The following WWTR1 variants were observed in gnomAD, a reference collection of about 807,000 sequenced individuals.
WWTR1 encodes the protein WW domain-containing transcription regulator protein 1.
In WWTR1, 13 loss-of-function variants were observed where a neutral mutation model predicts 40.1. That is an observed-to-expected ratio of 0.32 (90% CI 0.21 to 0.52). The LOEUF (loss-of-function observed/expected upper bound fraction) is 0.52, where lower values mean the gene tolerates loss of function less well. Among genes scored for constraint, WWTR1 ranks in the 20% least tolerant of loss-of-function variants. WWTR1 has a pLI of 0.97. For missense variants in WWTR1, 436 were observed against 523.1 expected, an observed-to-expected ratio of 0.83 and a Z score of 1.63; for synonymous variants, 230 against 210.1, an observed-to-expected ratio of 1.09 and a Z score of -0.82.
chr3:149,691,356 A>T (rs1714821269), intron 1 of WWTR1, among the ~76,000 whole-genome samples: 1 of 151,910 alleles, frequency 6.6e-6, no homozygotes. Flanking sequence ...AACAATACAA[A>T]GGAACAATAA....
intron 2 of WWTR1, among the ~76,000 whole-genome samples, chr3:149,647,757 T>C (rs558002375): frequency 6.6e-6 from 1 of 152,334 alleles, no homozygotes; most frequent in South Asian, 2.1e-4. Flanking sequence ...TGCTTAGTTC[T>C]CTAAACAACC....
At chr3:149,706,979 C>A (rs560937324), upstream of WWTR1, among the ~76,000 whole-genome samples, 5 of 152,210 alleles carry the variant, frequency 3.3e-5, no homozygotes, top group Non-Finnish European at 7.4e-5. Flanking sequence ...ACACAAGCCA[C>A]CCCCCAACCC....
intron 3 of WWTR1, among the ~76,000 whole-genome samples, chr3:149,548,668 C>A (rs1736477421): frequency 6.6e-6 from 1 of 152,206 alleles, no homozygotes; most frequent in African/African-American, 2.4e-5. Flanking sequence ...AATTACTTGG[C>A]TCCCTTCAAA....
At chr3:149,540,093 C>CACACACACAA (rs1197907646) in intron 4 of WWTR1, 2 of 389,658 alleles carry the variant, frequency 5.1e-6, no homozygotes, top group African/African-American at 4.1e-5. Flanking sequence ...CACACACACA[C>CACACACACAA]ACACACACAC....
chr3:149,525,892 A>T, intron 6 of WWTR1, 121 bp downstream of exon 6: 1 of 593,968 alleles, frequency 1.7e-6, no homozygotes, highest in Non-Finnish European at 2.6e-6. Flanking sequence ...ATGTACCCCC[A>T]AATATAAAAT....
At chr3:149,585,195 C>T (rs1489502334) in intron 2 of WWTR1, among the ~76,000 whole-genome samples, 9 of 151,340 alleles carry the variant, frequency 5.9e-5, no homozygotes, top group African/African-American at 9.7e-5. Flanking sequence ...GACTGGAGAA[C>T]GATCTCTGCT....
intron 2 of WWTR1, among the ~76,000 whole-genome samples, chr3:149,580,618 T>C (rs1738102644): frequency 6.6e-6 from 1 of 152,288 alleles, no homozygotes; most frequent in South Asian, 2.1e-4. Context: ...TTTTTGTTTG[T>C]TTGTTTGTTT....
At chr3:149,680,898 T>C (rs1714442101) in intron 1 of WWTR1, among the ~76,000 whole-genome samples, 1 of 152,214 alleles carries the variant, frequency 6.6e-6, no homozygotes, top group Non-Finnish European at 1.5e-5. Flanking sequence ...GTAATATTGG[T>C]GGCTGTATTA....
chr3:149,627,944 A>C (rs1740650305), intron 2 of WWTR1, among the ~76,000 whole-genome samples: 1 of 152,018 alleles, frequency 6.6e-6, no homozygotes, highest in South Asian at 2.1e-4. Flanking sequence ...ATGGTAGCAC[A>C]TGTCTGTAAT....
Position 149,580,508 on chromosome 3 carries a change from C to T in WWTR1, c.432-7508G>A, listed in dbSNP as rs56396617. ...AAGGGAGGCCACATCACAGAGGGAG[C>T]CCATGACAGTAGAAGCCCCATCGCA... On this transcript the variant is annotated intron_variant, in intron 2 of 6. Coordinates refer to ENST00000360632, the MANE Select transcript of WWTR1 (RefSeq NM_015472.6). Among the ~76,000 whole-genome samples, 188 of 152,298 alleles carry T rather than the reference C, an allele frequency of 1.2e-3. 1 individual carries two copies. The highest frequency in any genetic ancestry group is 3.4e-3 in the Middle Eastern group (1 of 294).
chr3:149,643,014 C>T (rs973361309), intron 2 of WWTR1, among the ~76,000 whole-genome samples: 2 of 152,178 alleles, frequency 1.3e-5, no homozygotes, highest in African/African-American at 4.8e-5. Flanking sequence ...ACAAGGCCAC[C>T]AAATGCTCCC....
chr3:149,578,688 G>A (rs941421500), intron 2 of WWTR1, among the ~76,000 whole-genome samples: 11 of 152,014 alleles, frequency 7.2e-5, no homozygotes, highest in Non-Finnish European at 1.5e-4. Context: ...ACCTGAGGTC[G>A]GGAGTTAGAG....
At chr3:149,685,601 A>G (rs1714622898) in intron 1 of WWTR1, among the ~76,000 whole-genome samples, 1 of 152,122 alleles carries the variant, frequency 6.6e-6, no homozygotes, top group African/African-American at 2.4e-5. Flanking sequence ...CAAGCCCAAC[A>G]TTTTGGAATC....
chr3:149,547,874 G>C (rs1018245606), intron 3 of WWTR1, among the ~76,000 whole-genome samples: 5 of 141,568 alleles, frequency 3.5e-5, no homozygotes, highest in African/African-American at 1.3e-4. Flanking sequence ...TTTGGAAATT[G>C]ATAAAACCAT....
At chr3:149,702,881 G>C (rs1157831141) in intron 1 of WWTR1, 1 of 152,162 alleles carries the variant, frequency 6.6e-6, no homozygotes, top group Non-Finnish European at 1.5e-5. Context: ...ACACAGTCTA[G>C]GCCTACTCGA....
rs894701735 is a variant in WWTR1 at position 149,519,375 on chromosome 3, A to T, written c.*1430T>A. On this transcript the variant is annotated 3_prime_UTR_variant, in exon 7 of 7. Coordinates refer to ENST00000360632, the MANE Select transcript of WWTR1 (RefSeq NM_015472.6). Reference sequence around the variant, plus strand: ...TCTCCACCATACACCCTCAAAGGGCATTTTTTTTTACATGTCAGTCAGAGA... The same window carrying T: ...TCTCCACCATACACCCTCAAAGGGCTTTTTTTTTTACATGTCAGTCAGAGA... 6.6e-6 allele frequency: 1 copy of T among 151,326 alleles called. No individual in the cohort carries two copies. Among genetic ancestry groups the T allele is most frequent in the African/African-American group, 2.4e-5 (1 of 41,228 alleles). 9.4% of individuals were successfully genotyped at this position (151,326 alleles called of 1,614,324 possible).
chr3:149,543,507 G>A (rs540729461), intron 3 of WWTR1, among the ~76,000 whole-genome samples: 1 of 147,360 alleles, frequency 6.8e-6, no homozygotes, highest in Non-Finnish European at 1.5e-5. Flanking sequence ...GCTTGAACCC[G>A]GGAGGCGGAG....
chr3:149,614,132 C>T (rs918995916), intron 2 of WWTR1, among the ~76,000 whole-genome samples: 2 of 152,112 alleles, frequency 1.3e-5, no homozygotes, highest in Admixed American at 6.6e-5. Flanking sequence ...AAAATCAGTT[C>T]CTCTGAGAGC....
At chr3:149,699,825 G>T (rs1407567090) in intron 1 of WWTR1, among the ~76,000 whole-genome samples, 1 of 152,060 alleles carries the variant, frequency 6.6e-6, no homozygotes, top group Non-Finnish European at 1.5e-5. Flanking sequence ...TCATCTTCCT[G>T]TCTTCTTCTG....
Sources: allele counts gnomAD v4.1 joint callset (sites outside exome capture counted in the v4.1 genomes callset), GRCh38; gene constraint gnomAD v4.1.1; transcripts MANE v1.5; gene names NCBI Gene and HGNC (gene_info 2026-07-23, HGNC 2026-07-21).